RGS6: variants seen among roughly 807,000 people sequenced by gnomAD.
RGS6 encodes regulator of G-protein signaling 6.
A neutral mutation model predicts 78.5 loss-of-function variants in RGS6; 30 were observed. That is an observed-to-expected ratio of 0.38 (90% CI 0.29 to 0.52). The LOEUF is 0.52. Ranked by LOEUF, RGS6 falls within the 20% of genes least tolerant of loss-of-function variation. The pLI is 0.85. For missense variants in RGS6, 495 were observed against 609.7 expected (o/e 0.81, Z 1.98); for synonymous variants, 206 against 206.0 (o/e 1.00, Z 0.00).
intron 3 of RGS6, among the ~76,000 whole-genome samples, chr14:72,382,502 G>C (rs777875227): frequency 6.6e-6 from 1 of 152,210 alleles, no homozygotes; most frequent in Non-Finnish European, 1.5e-5. Context: ...GTGGAAGTGT[G>C]CATTCGCAAA....
At chr14:71,993,651 G>T (rs573117223) in intron 2 of RGS6, among the ~76,000 whole-genome samples, 1 of 152,050 alleles carries the variant, frequency 6.6e-6, no homozygotes, top group African/African-American at 2.4e-5. Flanking sequence ...TTTCTACTGC[G>T]TGAGTCTTAC....
intron 2 of RGS6, among the ~76,000 whole-genome samples, chr14:72,267,818 C>G (rs964730803): frequency 3.3e-5 from 5 of 152,112 alleles, no homozygotes; most frequent in African/African-American, 4.8e-5. Context: ...TTAGTGATTC[C>G]TAATAAAAGA....
intron 3 of RGS6, among the ~76,000 whole-genome samples, chr14:72,396,581 G>A (rs952380114): frequency 1.3e-5 from 2 of 152,062 alleles, no homozygotes; most frequent in African/African-American, 4.8e-5. Context: ...GGCTTTTGTT[G>A]CCATTGCTTT....
chr14:72,549,558 T>G (rs2097467523), intron 17 of RGS6, among the ~76,000 whole-genome samples: 1 of 152,144 alleles, frequency 6.6e-6, no homozygotes, highest in Non-Finnish European at 1.5e-5. Context: ...GTAAATGAGC[T>G]AACATCAAAA....
At chr14:72,052,927 TTC>T (rs1406471501) in intron 2 of RGS6, among the ~76,000 whole-genome samples, 5 of 22,664 alleles carry the variant, frequency 2.2e-4, no homozygotes, top group African/African-American at 6.9e-4. Flanking sequence ...CATTGTATTT[TTC>T]TTTCTTTCTT....
At chr14:72,474,849 T>G in intron 10 of RGS6, 150 bp downstream of exon 10, 3 of 707,430 alleles carry the variant, frequency 4.2e-6, no homozygotes, top group Non-Finnish European at 7.1e-6. Flanking sequence ...GAGCAGCTGA[T>G]GCATGCTTGG....
At chr14:72,507,916 G>T (rs949229099) in intron 13 of RGS6, among the ~76,000 whole-genome samples, 3 of 152,172 alleles carry the variant, frequency 2.0e-5, no homozygotes, top group African/African-American at 7.2e-5. Flanking sequence ...CAGTCTCTGG[G>T]GCTTAAATTT....
intron 15 of RGS6, among the ~76,000 whole-genome samples, chr14:72,524,385 T>C (rs2097093085): frequency 6.6e-6 from 1 of 152,222 alleles, no homozygotes; most frequent in African/African-American, 2.4e-5. Context: ...GCATGTCATA[T>C]AAAGCTCTGC....
At chr14:72,258,421 C>T (rs180990678) in intron 2 of RGS6, among the ~76,000 whole-genome samples, 11 of 152,256 alleles carry the variant, frequency 7.2e-5, no homozygotes, top group Middle Eastern at 3.4e-3. Context: ...TGCACAAGTG[C>T]GAGGGGCCTC....
At chr14:72,595,012 C>T in the RGS6 span, 1 of 152,068 alleles carries the variant, frequency 6.6e-6, no homozygotes. Context: ...CCTGAGTTGC[C>T]CTTAACAGCC....
At chr14:72,280,179 AT>A (rs111865274) in intron 2 of RGS6, among the ~76,000 whole-genome samples, 312 of 145,818 alleles carry the variant, frequency 2.1e-3, no homozygotes, top group South Asian at 8.8e-3. Flanking sequence ...AAGAGGTCTT[AT>A]TTTTTTTTTT....
chr14:72,164,855 C>A (rs989600879), intron 2 of RGS6, among the ~76,000 whole-genome samples: 1 of 152,138 alleles, frequency 6.6e-6, no homozygotes, highest in Non-Finnish European at 1.5e-5. Context: ...AATGGTAAAA[C>A]ATTTAGAGTT....
At chr14:71,958,098 G>C (rs549077769) in intron 1 of RGS6, among the ~76,000 whole-genome samples, 1 of 152,036 alleles carries the variant, frequency 6.6e-6, no homozygotes, top group Non-Finnish European at 1.5e-5. Flanking sequence ...AGAGAACGTT[G>C]TATTTATTTG....
At chr14:72,355,861 A>G (rs1380971272) in intron 3 of RGS6, among the ~76,000 whole-genome samples, 1 of 152,168 alleles carries the variant, frequency 6.6e-6, no homozygotes, top group Non-Finnish European at 1.5e-5. Flanking sequence ...TCAGTGCCCA[A>G]GGCAAGAGAG....
the RGS6 span, among the ~76,000 whole-genome samples, chr14:72,617,604 C>T: frequency 1.9e-3 from 282 of 152,336 alleles, no homozygotes; most frequent in African/African-American, 6.5e-3. Flanking sequence ...TGACCCCCAT[C>T]GCTTGCCACA....
intron 15 of RGS6, among the ~76,000 whole-genome samples, chr14:72,524,399 C>T (rs2097093205): frequency 1.3e-5 from 2 of 152,188 alleles, no homozygotes; most frequent in South Asian, 4.1e-4. Flanking sequence ...GCTCTGCTGG[C>T]AGTTGTTGGT....
intron 15 of RGS6, among the ~76,000 whole-genome samples, chr14:72,526,198 G>T (rs1486392983): frequency 6.6e-6 from 1 of 151,960 alleles, no homozygotes; most frequent in African/African-American, 2.4e-5. Flanking sequence ...CTGCCTCCTG[G>T]GTTCACGCCA....
chr14:72,268,478 C>G (rs1373173979), intron 2 of RGS6, among the ~76,000 whole-genome samples: 1 of 152,208 alleles, frequency 6.6e-6, no homozygotes, highest in Non-Finnish European at 1.5e-5. Context: ...GGAAATGGAA[C>G]AGCACCCCAC....
chr14:72,356,784 T>A (rs2080386252), intron 3 of RGS6, among the ~76,000 whole-genome samples: 1 of 152,212 alleles, frequency 6.6e-6, no homozygotes, highest in Non-Finnish European at 1.5e-5. Flanking sequence ...GCTGCTTCCA[T>A]GTGAAGACAA....
Sources: allele counts gnomAD v4.1 joint callset (sites outside exome capture counted in the v4.1 genomes callset), GRCh38; gene constraint gnomAD v4.1.1; transcripts MANE v1.5; gene names NCBI Gene and HGNC (gene_info 2026-07-23, HGNC 2026-07-21).